KLF15: variants seen among roughly 807,000 people sequenced by gnomAD.
The protein encoded by KLF15 is KLF transcription factor 15, also known as Krueppel-like factor 15.
In KLF15, 4 loss-of-function variants were observed where a neutral mutation model predicts 24.6. That is an observed-to-expected ratio of 0.16 (90% CI 0.08 to 0.37). KLF15 has a LOEUF of 0.37. Ranked by LOEUF, KLF15 falls within the 10% of genes least tolerant of loss-of-function variation. The pLI is 1.00. For missense variants in KLF15, 496 were observed against 560.6 expected (o/e 0.88, Z 1.16); for synonymous variants, 246 against 236.3 (o/e 1.04, Z -0.37).
Position 126,343,910 on chromosome 3 carries a change from G to T in KLF15, c.1083-15C>A. The T allele has an allele frequency of 1.3e-6, 2 of 1,566,972 alleles. No homozygotes were observed. The highest frequency in any genetic ancestry group is 2.7e-5 in the African/African-American group (2 of 73,166). Reference sequence around the variant, plus strand: ...AGCGCGAGAACCTGCGGGACATGGCGCGGTCAGCGAGGCCTGGCCCTGCCT... The same window carrying T: ...AGCGCGAGAACCTGCGGGACATGGCTCGGTCAGCGAGGCCTGGCCCTGCCT... On this transcript the variant is annotated splice_polypyrimidine_tract_variant and intron_variant, in intron 2 of 2. Coordinates refer to ENST00000296233, the MANE Select transcript of KLF15 (RefSeq NM_014079.4).
chr3:126,326,204 G>T, the KLF15 span, among the ~76,000 whole-genome samples: 2 of 119,380 alleles, frequency 1.7e-5, no homozygotes, highest in Non-Finnish European at 3.4e-5. Flanking sequence ...TGCTGTTTTG[G>T]TTACTGTAGC....
In KLF15 at chr3:126,343,274, G is replaced by A. The variant is rs978076855; in HGVS notation, c.*453C>T. ...CACCACAGTGCAGCCCTGGACTTCT[G>A]GCCTACTTCCTTCTCCTCCAGCATG... is the stretch of plus-strand genomic sequence containing the variant. On this transcript the variant is annotated 3_prime_UTR_variant, in exon 3 of 3. Transcript: ENST00000296233. The A allele has an allele frequency of 1.1e-5, 2 of 177,628 alleles. No homozygotes were observed. Among genetic ancestry groups the A allele is most frequent in the Non-Finnish European group, 2.3e-5 (2 of 86,018 alleles). 11.0% of individuals were successfully genotyped at this position (177,628 alleles called of 1,614,324 possible). A position where few individuals can be genotyped will look rare whatever the true frequency, so the allele number is the denominator to read the frequency against.
the KLF15 span, among the ~76,000 whole-genome samples, chr3:126,308,102 C>T: frequency 3.3e-5 from 5 of 152,292 alleles, no homozygotes; most frequent in African/African-American, 7.2e-5. Flanking sequence ...CTGGCCAGCT[C>T]GTTGCTCTAA....
In KLF15 at chr3:126,356,605, C is replaced by T. The variant is rs2082633919; in HGVS notation, c.-26+632G>A. Reference sequence around the variant, plus strand: ...AGGGGTGTGAGTTCCTGTCGTGTGACTGCGTGTGCGGGGCGTGGTGCGCGG... The same window carrying T: ...AGGGGTGTGAGTTCCTGTCGTGTGATTGCGTGTGCGGGGCGTGGTGCGCGG... On this transcript the variant is annotated intron_variant, in intron 1 of 2. Coordinates refer to ENST00000296233, the MANE Select transcript of KLF15 (RefSeq NM_014079.4). The surrounding 1 kb of genome is among the most constrained non-coding windows in gnomAD (Gnocchi z 4.4). Among the ~76,000 whole-genome samples the T allele has an allele frequency of 6.6e-6, 1 of 152,118 alleles. No homozygotes were observed. The highest frequency in any genetic ancestry group is 1.5e-5 in the Non-Finnish European group (1 of 68,020).
the KLF15 span, among the ~76,000 whole-genome samples, chr3:126,334,943 C>A: frequency 9.1e-6 from 1 of 109,828 alleles, no homozygotes; most frequent in Non-Finnish European, 1.8e-5. Flanking sequence ...AGTTTACCAA[C>A]CAAAAAGAGT....
the KLF15 span, among the ~76,000 whole-genome samples, chr3:126,308,483 C>T: frequency 5.9e-5 from 9 of 152,278 alleles, no homozygotes; most frequent in South Asian, 4.1e-4. Flanking sequence ...GGGAGCTGCA[C>T]GTCCCGGTGT....
chr3:126,314,756 T>A, the KLF15 span, among the ~76,000 whole-genome samples: 518 of 152,284 alleles, frequency 3.4e-3, 4 homozygotes, highest in African/African-American at 0.012. Flanking sequence ...TATGCCCCCA[T>A]ATAGTAGTAA....
At chr3:126,305,443 T>C in the KLF15 span, among the ~76,000 whole-genome samples, 2 of 152,172 alleles carry the variant, frequency 1.3e-5, no homozygotes, top group Admixed American at 6.5e-5. Context: ...GGGTTTCAAA[T>C]GGCTGCCACA....
intron 1 of KLF15, among the ~76,000 whole-genome samples, chr3:126,354,812 C>T (rs1295516190): frequency 6.6e-6 from 1 of 152,214 alleles, no homozygotes; most frequent in Non-Finnish European, 1.5e-5. Context: ...CAAGCAGGGG[C>T]TCCATTTCTG....
chr3:126,302,186 C>T, the KLF15 span, among the ~76,000 whole-genome samples: 1 of 152,098 alleles, frequency 6.6e-6, no homozygotes, highest in Non-Finnish European at 1.5e-5. Context: ...TGGGGGATTT[C>T]CAGGTTATCT....
At chr3:126,311,128 C>G in the KLF15 span, among the ~76,000 whole-genome samples, 2 of 152,342 alleles carry the variant, frequency 1.3e-5, no homozygotes, top group South Asian at 2.1e-4. Flanking sequence ...CTGCAGCTCA[C>G]CTGCCCAACA....
rs1356777987 is a variant in KLF15, at chr3:126,352,276, G to A, written c.647C>T (p.Pro216Leu). The change falls in exon 2 of 3, where the codon CCC becomes CTC. Residue 216 changes from proline to leucine, a missense_variant. Transcript: ENST00000296233. ...GPGGGPTPDG[P>L]IPVLLQIQPV... ...CTGGATCTGCAGCAACACTGGGATG[G>A]GGCCATCAGGCGTGGGGCCCCCACC... 1 of 1,540,416 alleles carries A rather than the reference G, an allele frequency of 6.5e-7. No homozygotes were observed. Among genetic ancestry groups the A allele is most frequent in the Non-Finnish European group, 8.7e-7 (1 of 1,146,728 alleles).
At position 126,352,151 on chromosome 3, in the gene KLF15, G is replaced by A; in HGVS notation, c.772C>T (p.Gln258Ter). The change falls in exon 2 of 3, where the codon CAG (glutamine) becomes TAG (stop). Residue 258 changes from glutamine to a stop codon, truncating the protein, a stop_gained. Coordinates refer to ENST00000296233, the MANE Select transcript of KLF15 (RefSeq NM_014079.4). LOFTEE classifies it high-confidence loss of function. ...ACCTGGGGCACGAGTGCGAAGGTCT[G>A]CCCCTGGATGTTGACCAGGAGCTGG... Reference protein sequence around the residue: ...VAQLLVNIQGQTFALVPQVVP... With the variant: ...VAQLLVNIQG 1 of 1,573,736 alleles carries A rather than the reference G, an allele frequency of 6.4e-7. No homozygotes were observed. The highest frequency in any genetic ancestry group is 8.6e-7 in the Non-Finnish European group (1 of 1,159,666).
the KLF15 span, among the ~76,000 whole-genome samples, chr3:126,302,570 A>G: frequency 6.6e-6 from 1 of 152,158 alleles, no homozygotes; most frequent in Non-Finnish European, 1.5e-5. Flanking sequence ...AGGTTCTGTT[A>G]TTAGGTGCAC....
At chr3:126,301,112 C>G in the KLF15 span, among the ~76,000 whole-genome samples, 1 of 152,176 alleles carries the variant, frequency 6.6e-6, no homozygotes, top group Non-Finnish European at 1.5e-5. Flanking sequence ...GTGGCTAAAT[C>G]AGTGAATGCT....
chr3:126,323,425 A>AAC, the KLF15 span, among the ~76,000 whole-genome samples: 15 of 34,918 alleles, frequency 4.3e-4, 2 homozygotes, highest in African/African-American at 1.3e-3. Flanking sequence ...ATATATATAT[A>AAC]TATATATATA....
chr3:126,308,625 C>T, the KLF15 span, among the ~76,000 whole-genome samples: 10 of 152,146 alleles, frequency 6.6e-5, no homozygotes, highest in South Asian at 2.1e-4. Context: ...TAGGGCTCAG[C>T]GCGAAGGCCT....
chr3:126,306,301 T>C, the KLF15 span, among the ~76,000 whole-genome samples: 1 of 152,058 alleles, frequency 6.6e-6, no homozygotes, highest in Admixed American at 6.5e-5. Flanking sequence ...CCTTGACAAC[T>C]GGGGAAAAGA....
At chr3:126,350,707 A>G (rs574088163) in intron 2 of KLF15, among the ~76,000 whole-genome samples, 4 of 152,358 alleles carry the variant, frequency 2.6e-5, no homozygotes, top group East Asian at 3.9e-4. Context: ...CACCTAAGAC[A>G]TGTATGTGTG....
Sources: allele counts gnomAD v4.1 joint callset (sites outside exome capture counted in the v4.1 genomes callset), GRCh38; gene constraint gnomAD v4.1.1; non-coding constraint Gnocchi (gnomAD v3.1); transcripts MANE v1.5; gene names NCBI Gene and HGNC (gene_info 2026-07-23, HGNC 2026-07-21).